The following SPC25 variants were observed in gnomAD, a reference collection of about 807,000 sequenced individuals.
The protein encoded by SPC25 is kinetochore protein Spc25.
Under a neutral mutation model 29.6 loss-of-function variants are expected in SPC25, and 22 were observed. The ratio of observed to expected loss-of-function variants is 0.74; its 90% CI spans 0.53 to 1.06. The LOEUF is 1.06. Among genes scored for constraint, SPC25 ranks in the 50% least tolerant of loss-of-function variants. SPC25 has a pLI of 0.00. For missense variants in SPC25, 230 were observed against 255.8 expected (o/e 0.90, Z 0.69); for synonymous variants, 91 against 90.4 (o/e 1.01, Z -0.04).
chr2:168,869,550 T>G (rs1322619765), downstream of SPC25, among the ~76,000 whole-genome samples: 8 of 152,016 alleles, frequency 5.3e-5, no homozygotes, highest in Admixed American at 5.2e-4. Context: ...ACAAGCATTT[T>G]TATACACCAA....
In SPC25 at chr2:168,871,482, T is replaced by A. The variant is rs138243521; in HGVS notation, c.624A>T (p.Ser208=). Residue 208 remains serine, a synonymous_variant, in exon 7 of 7, where the codon TCA becomes TCT. Coordinates refer to ENST00000282074, the MANE Select transcript of SPC25 (RefSeq NM_020675.4). ...CTTTCCGAACATTGGCAAGAAAAGC[T>A]GAAAAATTGTTGGTCTTCCTTACAT... ...QENVRKTNNF[S]AFLANVRKAF... 2.4e-5 allele frequency: 39 copies of A among 1,611,394 alleles called. No homozygotes were observed. In the African/African-American group the frequency reaches 4.7e-4, roughly 19 times the overall value.
intron 4 of SPC25, chr2:168,865,378 T>G (rs1689804289): frequency 6.2e-6 from 1 of 161,314 alleles, no homozygotes; most frequent in Non-Finnish European, 1.4e-5. Context: ...AGCAGGCCTA[T>G]GAGGGGGTCA....
chr2:168,890,391 C>G lies in SPC25; in HGVS notation c.-88G>C. 1 of 985,546 alleles carries G rather than the reference C, an allele frequency of 1.0e-6. No homozygotes were observed. Among genetic ancestry groups the G allele is most frequent in the Non-Finnish European group, 1.2e-6 (1 of 830,002 alleles). The allele number at this position is 985,546 out of a possible 1,614,324, so 61.1% of individuals were successfully genotyped here. A position where few individuals can be genotyped will look rare whatever the true frequency, so the allele number is the denominator to read the frequency against. On this transcript the variant is annotated 5_prime_UTR_variant, in exon 1 of 7. Transcript: ENST00000282074. ...GCCCACTCTAGCCAACAGCCGGACTCTAGGCTCAGCTCCCGCAGCCCCGCC... is the reference window on the plus strand; with the variant it reads ...GCCCACTCTAGCCAACAGCCGGACTGTAGGCTCAGCTCCCGCAGCCCCGCC...
intron 3 of SPC25, among the ~76,000 whole-genome samples, chr2:168,879,316 C>T (rs1337566702): frequency 6.6e-6 from 1 of 152,216 alleles, no homozygotes; most frequent in African/African-American, 2.4e-5. Flanking sequence ...AAACCCTGCG[C>T]TACTTTATCA....
intron 6 of SPC25, 147 bp downstream of exon 6, chr2:168,873,438 A>G: frequency 1.8e-6 from 1 of 555,678 alleles, no homozygotes; most frequent in Non-Finnish European, 3.2e-6. Context: ...CACTTCCTTT[A>G]GAAGACTATA....
chr2:168,888,545 ACT>A (rs1443302060), intron 3 of SPC25, among the ~76,000 whole-genome samples: 1 of 152,012 alleles, frequency 6.6e-6, no homozygotes, highest in East Asian at 1.9e-4. Context: ...ACAGAGCGAG[ACT>A]CTGTCTCAAA....
chr2:168,887,289 G>A (rs1690284395), intron 3 of SPC25, among the ~76,000 whole-genome samples: 1 of 152,032 alleles, frequency 6.6e-6, no homozygotes, highest in East Asian at 1.9e-4. Context: ...GTGCGTGGTG[G>A]TGCGCACCTG....
intron 3 of SPC25, among the ~76,000 whole-genome samples, chr2:168,889,011 GTATA>G (rs1160380457): frequency 1.0e-5 from 1 of 98,814 alleles, no homozygotes; most frequent in Non-Finnish European, 1.9e-5. Context: ...ACACATATAT[GTATA>G]TATATACACA....
In SPC25 at chr2:168,871,221, G is replaced by C. The variant is rs1045084964; in HGVS notation, c.*210C>G. 2 of 268,124 alleles carry C rather than the reference G, an allele frequency of 7.5e-6. No individual in the cohort carries two copies. The highest frequency in any genetic ancestry group is 1.4e-5 in the Non-Finnish European group (2 of 147,212). 16.6% of individuals were successfully genotyped at this position (268,124 alleles called of 1,614,324 possible). ...GGGGACTGTTGTGGGTTGGGGGAGG[G>C]GGGAGGGATAGCATTAGGAGATATA... On this transcript the variant is annotated 3_prime_UTR_variant, in exon 7 of 7. Coordinates refer to ENST00000282074, the MANE Select transcript of SPC25 (RefSeq NM_020675.4).
intron 5 of SPC25, among the ~76,000 whole-genome samples, chr2:168,875,154 A>C (rs1690063537): frequency 6.6e-6 from 1 of 152,310 alleles, no homozygotes. Flanking sequence ...ACTGGTTTAC[A>C]ATAGTCCCCC....
chr2:168,881,338 AC>A (rs1216497521), intron 3 of SPC25, among the ~76,000 whole-genome samples: 1 of 152,166 alleles, frequency 6.6e-6, no homozygotes, highest in African/African-American at 2.4e-5. Flanking sequence ...CAAAATAAAA[AC>A]AACAATGCCT....
chr2:168,872,315 T>C (rs1690009850), intron 6 of SPC25, among the ~76,000 whole-genome samples: 2 of 152,168 alleles, frequency 1.3e-5, no homozygotes, highest in Admixed American at 1.3e-4. Context: ...CTTACAATTA[T>C]GAAAGAAATA....
intron 4 of SPC25, chr2:168,864,763 A>G: frequency 6.4e-7 from 1 of 1,566,586 alleles, no homozygotes; most frequent in East Asian, 2.2e-5. Flanking sequence ...ACCTCCTTAA[A>G]ACTCTTATCA....
chr2:168,862,258 A>G (rs1366282152), intron 4 of SPC25, among the ~76,000 whole-genome samples: 1 of 152,242 alleles, frequency 6.6e-6, no homozygotes, highest in Non-Finnish European at 1.5e-5. Flanking sequence ...ACATTGTTGC[A>G]GGCCTATTGT....
downstream of SPC25, among the ~76,000 whole-genome samples, chr2:168,869,549 T>C (rs999241538): frequency 6.6e-6 from 1 of 151,914 alleles, no homozygotes; most frequent in African/African-American, 2.4e-5. Flanking sequence ...CACAAGCATT[T>C]TTATACACCA....
In SPC25 at chr2:168,889,116, A is replaced by C. The variant is rs560460842; in HGVS notation, c.199+110T>G. 1.8e-4 allele frequency: 132 copies of C among 724,532 alleles called. No individual in the cohort carries two copies. The Middle Eastern group carries it at 4.6e-3, about 25-fold the overall frequency. The allele number at this position is 724,532 out of a possible 1,614,324, so 44.9% of individuals were successfully genotyped here. A position where few individuals can be genotyped will look rare whatever the true frequency, so the allele number is the denominator to read the frequency against. ...ACACATATATATATACACACACACA[A>C]CATATACACACTTGTGTACACAAAA... is the stretch of plus-strand genomic sequence containing the variant. On this transcript the variant is annotated intron_variant, in intron 3 of 6. Coordinates refer to ENST00000282074, the MANE Select transcript of SPC25 (RefSeq NM_020675.4).
chr2:168,886,732 G>A (rs1690272757), intron 3 of SPC25, among the ~76,000 whole-genome samples: 1 of 151,032 alleles, frequency 6.6e-6, no homozygotes, highest in Non-Finnish European at 1.5e-5. Context: ...TGTTAGCCAG[G>A]ATGGTCTTGA....
At chr2:168,883,829 G>T (rs566540862) in intron 3 of SPC25, among the ~76,000 whole-genome samples, 7 of 150,338 alleles carry the variant, frequency 4.7e-5, no homozygotes, top group African/African-American at 1.7e-4. Flanking sequence ...GCAGTGCAGT[G>T]GTGCAATCTC....
Position 168,877,392 on chromosome 2 carries a change from A to T in SPC25, c.200-8T>A. ...TATTTTGCCTGCTGATCTCTGTAAGAAGCACAAGGTATTAGCTAGAATATG... is the reference window on the plus strand; with the variant it reads ...TATTTTGCCTGCTGATCTCTGTAAGTAGCACAAGGTATTAGCTAGAATATG... On this transcript the variant is annotated splice_region_variant and splice_polypyrimidine_tract_variant and intron_variant, in intron 3 of 6. Transcript: ENST00000282074. 2 of 1,613,528 alleles carry T rather than the reference A, an allele frequency of 1.2e-6. No homozygotes were observed.
Sources: allele counts gnomAD v4.1 joint callset (sites outside exome capture counted in the v4.1 genomes callset), GRCh38; gene constraint gnomAD v4.1.1; transcripts MANE v1.5; gene names NCBI Gene and HGNC (gene_info 2026-07-23, HGNC 2026-07-21).